Variants in CCNJ observed in about 807,000 individuals in gnomAD.
CCNJ encodes the protein cyclin J, also known as cyclin-J.
CCNJ carries 12 observed loss-of-function variants against 41.4 expected under a neutral mutation model. The observed-to-expected ratio is 0.29, with a 90% confidence interval of 0.19 to 0.47. The LOEUF (loss-of-function observed/expected upper bound fraction) is 0.47. Among genes scored for constraint, CCNJ ranks in the 20% least tolerant of loss-of-function variants. The pLI is 1.00. For synonymous variants in CCNJ, 161 were observed against 173.4 expected (o/e 0.93, Z 0.56); for missense variants, 340 against 464.6 (o/e 0.73, Z 2.47).
At chr10:96,052,032 A>G (rs546457826) in intron 3 of CCNJ, among the ~76,000 whole-genome samples, 2 of 152,296 alleles carry the variant, frequency 1.3e-5, no homozygotes, top group East Asian at 1.9e-4. Context: ...TACTTCCTGA[A>G]TATCTACATT....
chr10:96,054,333 C>T (rs1175293195), intron 3 of CCNJ, among the ~76,000 whole-genome samples: 2 of 152,160 alleles, frequency 1.3e-5, no homozygotes, highest in African/African-American at 4.8e-5. Flanking sequence ...GCAGTGAGCA[C>T]AACAAAAACT....
At chr10:96,048,399 C>A (rs918421999) in intron 2 of CCNJ, among the ~76,000 whole-genome samples, 1 of 152,166 alleles carries the variant, frequency 6.6e-6, no homozygotes, top group Non-Finnish European at 1.5e-5. Flanking sequence ...ACACTCCCAC[C>A]AACAGTGTAA....
At chr10:96,057,056 G>C (rs746455382) in intron 4 of CCNJ, 32 bp from the exon 5 acceptor site, 1 of 1,613,706 alleles carries the variant, frequency 6.2e-7, no homozygotes, top group Non-Finnish European at 8.5e-7. Context: ...CGTGTATTCT[G>C]TTCCTTAAGT....
chr10:96,057,282 A>G, intron 5 of CCNJ, 35 bp downstream of exon 5: 1 of 1,585,494 alleles, frequency 6.3e-7, no homozygotes, highest in Admixed American at 1.7e-5. Flanking sequence ...GTACTTTCTC[A>G]TTAACAGTTT....
chr10:96,057,892 C>T lies in CCNJ; in HGVS notation c.803C>T (p.Ala268Val), dbSNP rs1272196026. ...KQRGQAGPQS[A>V]QLSVFQTASQ... is the part of the protein sequence containing the mutation. ...AGAGGGCAAGCAGGACCTCAGTCAG[C>T]GCAACTAAGTGTATTCCAGACAGCC... Residue 268 changes from alanine (A) to valine (V), a missense_variant, in exon 6 of 6, where the codon GCG (alanine) becomes GTG (valine). Ala to Val is a moderately conservative substitution (Grantham distance 64). Transcript: ENST00000465148. 1.9e-6 allele frequency: 3 copies of T among 1,614,016 alleles called. No homozygotes were observed. Among genetic ancestry groups the T allele is most frequent in the Admixed American group, 1.7e-5 (1 of 59,996 alleles).
chr10:96,051,430 T>G (rs943888458), intron 3 of CCNJ, among the ~76,000 whole-genome samples: 1 of 152,226 alleles, frequency 6.6e-6, no homozygotes, highest in African/African-American at 2.4e-5. Context: ...ATTTATAGTA[T>G]GTAGATGTAT....
At chr10:96,049,654 T>C (rs1174771142) in intron 2 of CCNJ, among the ~76,000 whole-genome samples, 1 of 152,034 alleles carries the variant, frequency 6.6e-6, no homozygotes, top group Admixed American at 6.5e-5. Flanking sequence ...TTTAATAGTA[T>C]AGAATTTTTC....
intron 2 of CCNJ, among the ~76,000 whole-genome samples, chr10:96,049,722 G>A (rs2080470900): frequency 6.6e-6 from 1 of 151,968 alleles, no homozygotes; most frequent in Non-Finnish European, 1.5e-5. Context: ...GATTTTAGGT[G>A]TATGAGAGGA....
In CCNJ at chr10:96,058,579, G is replaced by A. The variant is rs1385144986; in HGVS notation, c.*338G>A. ...TGAGATTTGACCTGTGGTAGCATCT[G>A]GGCCTAATGTTGGCTTCTAAGTCAA... On this transcript the variant is annotated 3_prime_UTR_variant, in exon 6 of 6. Coordinates refer to ENST00000465148, the MANE Select transcript of CCNJ (RefSeq NM_001134375.2). The A allele has an allele frequency of 1.2e-5, 5 of 429,756 alleles. No homozygotes were observed. The highest frequency in any genetic ancestry group is 1.0e-4 in the African/African-American group (5 of 49,564). The allele number at this position is 429,756 out of a possible 1,614,324, so 26.6% of individuals were successfully genotyped here. A position where few individuals can be genotyped will look rare whatever the true frequency, so the allele number is the denominator to read the frequency against.
chr10:96,055,891 G>C (rs1331018008), intron 3 of CCNJ, among the ~76,000 whole-genome samples: 1 of 152,142 alleles, frequency 6.6e-6, no homozygotes, highest in Admixed American at 6.5e-5. Flanking sequence ...TGTGTTAAAT[G>C]TTCACCCAGT....
chr10:96,055,750 G>C (rs2080666623), intron 3 of CCNJ, among the ~76,000 whole-genome samples: 1 of 152,130 alleles, frequency 6.6e-6, no homozygotes, highest in Non-Finnish European at 1.5e-5. Context: ...CTCCTATTCT[G>C]CTTTCAGTAA....
chr10:96,045,475 C>G (rs1171391718), intron 2 of CCNJ, among the ~76,000 whole-genome samples: 1 of 152,212 alleles, frequency 6.6e-6, no homozygotes. Flanking sequence ...CTAATTCTGA[C>G]TTAAATTGTT....
At chr10:96,047,240 G>A (rs1217277893) in intron 2 of CCNJ, among the ~76,000 whole-genome samples, 1 of 152,134 alleles carries the variant, frequency 6.6e-6, no homozygotes, top group Non-Finnish European at 1.5e-5. Flanking sequence ...GGCAGCAAAG[G>A]TAAAGTTGCA....
At chr10:96,045,524 C>G (rs1014561528) in intron 2 of CCNJ, among the ~76,000 whole-genome samples, 1 of 152,188 alleles carries the variant, frequency 6.6e-6, no homozygotes, top group Admixed American at 6.5e-5. Context: ...TGCTACTTAA[C>G]TAATTCTGAC....
At chr10:96,050,204 TG>T in intron 2 of CCNJ, 51 bp from the exon 3 acceptor site, 1 of 1,169,392 alleles carries the variant, frequency 8.6e-7, no homozygotes, top group African/African-American at 1.5e-5. Context: ...CATTGCCTTG[TG>T]GGGATACGCC....
chr10:96,044,470 C>G lies in CCNJ; in HGVS notation c.69+8C>G. 6.5e-7 allele frequency: 1 copy of G among 1,527,644 alleles called. No individual in the cohort carries two copies. Among genetic ancestry groups the G allele is most frequent in the Non-Finnish European group, 8.9e-7 (1 of 1,129,314 alleles). 94.6% of individuals were successfully genotyped at this position (1,527,644 alleles called of 1,614,324 possible). A position where few individuals can be genotyped will look rare whatever the true frequency, so the allele number is the denominator to read the frequency against. ...CAAGCGCTTCGCTACAAGGTAACTC[C>G]GAGGCCCGGCCTGCCTTCTCCTTCT... On this transcript the variant is annotated splice_region_variant and intron_variant, in intron 2 of 5. Coordinates refer to ENST00000465148, the MANE Select transcript of CCNJ (RefSeq NM_001134375.2).
In CCNJ at chr10:96,056,805, C is replaced by A; in HGVS notation, c.385C>A (p.His129Asn). 1 of 1,614,026 alleles carries A rather than the reference C, an allele frequency of 6.2e-7. No homozygotes were observed. Among genetic ancestry groups the A allele is most frequent in the Non-Finnish European group, 8.5e-7 (1 of 1,179,914 alleles). The change falls in exon 4 of 6, where the codon CAT (histidine) becomes AAT (asparagine). Residue 129 changes from histidine to asparagine, a missense_variant. By Grantham distance (68) the His-to-Asn change is moderately conservative (BLOSUM62 1). This residue lies in a region of CCNJ where 137 missense variants were observed against 252.9 expected (regional missense o/e 0.54). Coordinates refer to ENST00000465148, the MANE Select transcript of CCNJ (RefSeq NM_001134375.2). ...AGTATTAACAAAACAAAATTTGCTA[C>A]ATATGGAACTATTATTATTAGAAAC... ...NLVLTKQNLL[H>N]MELLLLETFQ...
chr10:96,055,455 TTC>T (rs1196396532), intron 3 of CCNJ, among the ~76,000 whole-genome samples: 1 of 152,240 alleles, frequency 6.6e-6, no homozygotes, highest in Non-Finnish European at 1.5e-5. Flanking sequence ...ACAACTCTGG[TTC>T]TGTTGCTGCA....
At position 96,056,916 on chromosome 10, in the gene CCNJ, G is replaced by A. The variant is rs1367500619; in HGVS notation, c.496G>A (p.Asp166Asn). The A allele has an allele frequency of 4.3e-6, 7 of 1,614,060 alleles. No individual in the cohort carries two copies. The South Asian group carries it at 7.7e-5, about 18-fold the overall frequency. The part of the protein sequence containing the change: ...SEAVHETDLH[D>N]GWPMICLEKT... ...AGCAGTACACGAAACAGATCTTCAT[G>A]ACGGCTGGCCAATGATTTGCTTGGA... is the stretch of plus-strand genomic sequence containing the variant. Residue 166 changes from aspartate (D) to asparagine (N), a missense_variant, in exon 4 of 6, where the codon GAC becomes AAC. Around this residue, in one of 3 missense-constraint regions of CCNJ, gnomAD observed 137 missense variants for 252.9 expected, o/e 0.54. Coordinates refer to ENST00000465148, the MANE Select transcript of CCNJ (RefSeq NM_001134375.2).
Sources: allele counts gnomAD v4.1 joint callset (sites outside exome capture counted in the v4.1 genomes callset), GRCh38; gene constraint gnomAD v4.1.1; regional missense constraint gnomAD v4.1.1; transcripts MANE v1.5; gene names NCBI Gene and HGNC (gene_info 2026-07-23, HGNC 2026-07-21).